The following PTPN9 variants were observed in gnomAD, a reference collection of about 807,000 sequenced individuals.
The protein encoded by PTPN9 is protein tyrosine phosphatase non-receptor type 9.
In PTPN9, 26 loss-of-function variants were observed where a neutral mutation model predicts 69.8. That is an observed-to-expected ratio of 0.37 (90% CI 0.27 to 0.52). The LOEUF (loss-of-function observed/expected upper bound fraction) is 0.52. Among genes scored for constraint, PTPN9 ranks in the 20% least tolerant of loss-of-function variants. The probability of loss-of-function intolerance (pLI) is 0.91; values close to 1 mark genes in which losing one functional copy is unlikely to be tolerated. For missense variants in PTPN9, 549 were observed against 740.3 expected (o/e 0.74, Z 3.00); for synonymous variants, 274 against 272.5 (o/e 1.01, Z -0.05).
At chr15:75,569,772 A>G (rs1313583681) in intron 1 of PTPN9, among the ~76,000 whole-genome samples, 2 of 151,884 alleles carry the variant, frequency 1.3e-5, no homozygotes, top group Non-Finnish European at 2.9e-5. Context: ...TTCCTTAGAG[A>G]AAACCTCCAG....
rs1172096871 is a variant in PTPN9, at chr15:75,466,070, C to A, written c.*2699G>T. The A allele has an allele frequency of 1.3e-5, 2 of 152,202 alleles. No individual in the cohort carries two copies. The highest frequency in any genetic ancestry group is 1.5e-5 in the Non-Finnish European group (1 of 68,052). The allele number at this position is 152,202 out of a possible 1,614,324, so 9.4% of individuals were successfully genotyped here. ...ACTCGATAAAAATTTATTGGCAGAT[C>A]AGAAGATGGATCCTTAGAGGAAGTC... On this transcript the variant is annotated 3_prime_UTR_variant, in exon 13 of 13. Coordinates refer to ENST00000618819, the MANE Select transcript of PTPN9 (RefSeq NM_002833.4).
intron 3 of PTPN9, among the ~76,000 whole-genome samples, chr15:75,523,666 G>C (rs1159013488): frequency 2.0e-5 from 3 of 152,158 alleles, no homozygotes; most frequent in Non-Finnish European, 2.9e-5. Flanking sequence ...ACTAAGTGGA[G>C]AGCTTGCGTT....
intron 5 of PTPN9, among the ~76,000 whole-genome samples, chr15:75,510,559 G>A (rs1304626187): frequency 1.3e-5 from 2 of 152,018 alleles, no homozygotes; most frequent in African/African-American, 4.8e-5. Context: ...ATTTTCAAAT[G>A]GTTAAATGTA....
chr15:75,479,373 T>C (rs945932825), intron 9 of PTPN9, among the ~76,000 whole-genome samples: 5 of 152,164 alleles, frequency 3.3e-5, no homozygotes, highest in Non-Finnish European at 1.5e-5. Flanking sequence ...TATTAGCACA[T>C]ACTATCTATG....
chr15:75,474,787 G>C (rs1475711544), intron 9 of PTPN9, among the ~76,000 whole-genome samples: 1 of 152,146 alleles, frequency 6.6e-6, no homozygotes, highest in African/African-American at 2.4e-5. Context: ...CTAAGTTACT[G>C]TAACACCCTC....
In PTPN9 at chr15:75,520,437, AATAGATAG is replaced by A. The variant is rs138397961; in HGVS notation, c.422+2676_422+2683del. Among the ~76,000 whole-genome samples, 474 of 140,372 alleles carry A rather than the reference AATAGATAG, an allele frequency of 3.4e-3. 5 individuals are homozygous for A. The highest frequency in any genetic ancestry group is 0.01 in the African/African-American group (378 of 36,042). The allele number at this position is 140,372 out of a possible 152,430, so 92.1% of individuals were successfully genotyped here. A position where few individuals can be genotyped will look rare whatever the true frequency, so the allele number is the denominator to read the frequency against. ...AAGATTTTCACACTTTAGGGTATAG[AATAGATAG>A]ATAGATAGATAGATAGATAGATAGA... On this transcript the variant is annotated intron_variant, in intron 4 of 12. Transcript: ENST00000618819.
In PTPN9 at chr15:75,509,011, C is replaced by T. The variant is rs754427368; in HGVS notation, c.545G>A (p.Arg182His). The change falls in exon 6 of 13, where the codon CGT becomes CAT. Residue 182 changes from arginine (R) to histidine (H), a missense_variant. Arg to His is a conservative substitution (Grantham distance 29, BLOSUM62 0). Coordinates refer to ENST00000618819, the MANE Select transcript of PTPN9 (RefSeq NM_002833.4). ...CCCCACAATCAGCACCTTCTTCAAA[C>T]GAGCTGGAAATGCTCCCTGTGGAGA... is the stretch of plus-strand genomic sequence containing the variant. ...LNLLKGAFPA[R>H]LKKVLIVGAP... is the part of the protein sequence containing the mutation. 12 of 1,613,962 alleles carry T rather than the reference C, an allele frequency of 7.4e-6. No individual in the cohort carries two copies. The highest frequency in any genetic ancestry group is 1.0e-5 in the Non-Finnish European group (12 of 1,179,924).
intron 8 of PTPN9, chr15:75,480,948 G>A: frequency 5.0e-6 from 1 of 199,002 alleles, no homozygotes. Context: ...TGGGATGTGA[G>A]GAGCCCCTCT....
At chr15:75,557,791 G>A (rs1339688804) in intron 1 of PTPN9, among the ~76,000 whole-genome samples, 2 of 152,124 alleles carry the variant, frequency 1.3e-5, no homozygotes, top group Non-Finnish European at 2.9e-5. Flanking sequence ...CTATTTTCCA[G>A]CTTCAAATGG....
chr15:75,521,807 G>A (rs2074906443), intron 4 of PTPN9, among the ~76,000 whole-genome samples: 1 of 152,200 alleles, frequency 6.6e-6, no homozygotes, highest in African/African-American at 2.4e-5. Context: ...GACGGATGAT[G>A]GATATGTGGA....
chr15:75,576,191 C>T (rs760404989), intron 1 of PTPN9, among the ~76,000 whole-genome samples: 38 of 151,484 alleles, frequency 2.5e-4, no homozygotes, highest in Admixed American at 9.2e-4. Flanking sequence ...GAGATCACAA[C>T]GCTACACTTC....
intron 8 of PTPN9, among the ~76,000 whole-genome samples, chr15:75,484,056 C>T (rs2074659817): frequency 6.6e-6 from 1 of 152,180 alleles, no homozygotes; most frequent in South Asian, 2.1e-4. Context: ...CCCATGTTAC[C>T]CTTCCTTTAG....
chr15:75,562,692 T>C (rs1279876940), intron 1 of PTPN9, among the ~76,000 whole-genome samples: 1 of 141,760 alleles, frequency 7.1e-6, no homozygotes, highest in Non-Finnish European at 1.5e-5. Flanking sequence ...ATTAGCCGGG[T>C]GTGGTGGCGG....
intron 1 of PTPN9, among the ~76,000 whole-genome samples, chr15:75,545,646 A>T (rs1225698217): frequency 6.6e-6 from 1 of 152,194 alleles, no homozygotes; most frequent in Admixed American, 6.5e-5. Context: ...AAATAATTTA[A>T]AATAAATTTA....
intron 7 of PTPN9, among the ~76,000 whole-genome samples, chr15:75,496,756 C>T (rs1165660438): frequency 6.6e-6 from 1 of 152,106 alleles, no homozygotes; most frequent in Admixed American, 6.6e-5. Context: ...ATCTACCCAC[C>T]TCAGCCTCCC....
intron 1 of PTPN9, among the ~76,000 whole-genome samples, chr15:75,547,723 T>C (rs1460783672): frequency 1.3e-5 from 2 of 151,556 alleles, no homozygotes; most frequent in Admixed American, 6.6e-5. Context: ...TGGAGTGCAG[T>C]GACTCAATCT....
Position 75,578,796 on chromosome 15 carries a change from G to A in PTPN9, c.-20C>T. On this transcript the variant is annotated 5_prime_UTR_variant, in exon 1 of 13. Coordinates refer to ENST00000618819, the MANE Select transcript of PTPN9 (RefSeq NM_002833.4). ...CTCCATCCCCCCGCCACCGCCGCCG[G>A]GCGGACAAAACTCGCTCGCGAGCGC... The A allele has an allele frequency of 8.1e-7, 1 of 1,230,042 alleles. No homozygotes were observed. Among genetic ancestry groups the A allele is most frequent in the South Asian group, 3.3e-5 (1 of 30,160 alleles). The allele number at this position is 1,230,042 out of a possible 1,614,324, so 76.2% of individuals were successfully genotyped here. A position where few individuals can be genotyped will look rare whatever the true frequency, so the allele number is the denominator to read the frequency against.
intron 8 of PTPN9, among the ~76,000 whole-genome samples, chr15:75,488,662 C>T (rs1343630767): frequency 1.3e-5 from 2 of 152,008 alleles, no homozygotes; most frequent in South Asian, 2.1e-4. Flanking sequence ...TGTGTAATGG[C>T]GTGTGCCTGT....
At chr15:75,487,330 A>AAAAAACT (rs1204520390) in intron 8 of PTPN9, 3 of 151,728 alleles carry the variant, frequency 2.0e-5, no homozygotes, top group Non-Finnish European at 4.4e-5. Context: ...AATAATGTCA[A>AAAAAACT]AAAAACTAAA....
Sources: gnomAD v4.1 joint callset for allele counts (sites outside exome capture counted in the v4.1 genomes callset) on GRCh38, gnomAD v4.1.1 for gene constraint, MANE v1.5 for transcripts, NCBI Gene and HGNC (gene_info 2026-07-23, HGNC 2026-07-21) for gene names.